DCP2: variants seen among roughly 807,000 people sequenced by gnomAD.
The protein encoded by DCP2 is m7GpppN-mRNA hydrolase.
In DCP2, 30 loss-of-function variants were observed where a neutral mutation model predicts 56.1. That is an observed-to-expected ratio of 0.53 (90% CI 0.40 to 0.73). The LOEUF (loss-of-function observed/expected upper bound fraction) is 0.73. Among genes scored for constraint, DCP2 ranks in the 30% least tolerant of loss-of-function variants. The pLI is 0.00. For synonymous variants in DCP2, 197 were observed against 163.3 expected (o/e 1.21, Z -1.57); for missense variants, 533 against 502.7 (o/e 1.06, Z -0.58).
At chr5:113,002,721 C>T (rs1442912590) in intron 7 of DCP2, among the ~76,000 whole-genome samples, 4 of 152,002 alleles carry the variant, frequency 2.6e-5, no homozygotes, top group Non-Finnish European at 5.9e-5. Flanking sequence ...GGGGCTCTCC[C>T]TATGCTGCCC....
At chr5:113,007,626 C>G (rs898302305) in intron 8 of DCP2, among the ~76,000 whole-genome samples, 3 of 151,810 alleles carry the variant, frequency 2.0e-5, no homozygotes, top group Non-Finnish European at 4.4e-5. Flanking sequence ...GGTCTCATCT[C>G]AACCTCGTGA....
At position 113,017,651 on chromosome 5, in the gene DCP2, T is replaced by C. The variant is rs1447597551; in HGVS notation, c.*4167T>C. ...TGCAGTTTCAAAAAAATATGATAGA[T>C]TATTGTTATAGAATCAAAGTGTCCT... On this transcript the variant is annotated 3_prime_UTR_variant, in exon 11 of 11. Coordinates refer to ENST00000389063, the MANE Select transcript of DCP2 (RefSeq NM_152624.6). 6.6e-6 allele frequency: 1 copy of C among 152,146 alleles called. No individual in the cohort carries two copies. Among genetic ancestry groups the C allele is most frequent in the Non-Finnish European group, 1.5e-5 (1 of 68,036 alleles). The allele number at this position is 152,146 out of a possible 1,614,324, so 9.4% of individuals were successfully genotyped here. A position where few individuals can be genotyped will look rare whatever the true frequency, so the allele number is the denominator to read the frequency against.
chr5:112,998,999 A>G (rs1216637143), intron 4 of DCP2, among the ~76,000 whole-genome samples: 1 of 152,156 alleles, frequency 6.6e-6, no homozygotes, highest in African/African-American at 2.4e-5. Context: ...CCAGGATCCA[A>G]TCCATGCTTA....
In DCP2 at chr5:113,021,740, T is replaced by C. The variant is rs1335392460; in HGVS notation, c.*8256T>C. 2.0e-5 allele frequency among the ~76,000 whole-genome samples: 3 copies of C among 152,196 alleles called. No homozygotes were observed. The highest frequency in any genetic ancestry group is 2.1e-4 in the South Asian group (1 of 4,836). ...CTTCCATAGTGAAAACTTGAGAACA[T>C]TGTAATCTTTCTCTAACAGATGTGT... On this transcript the variant is annotated 3_prime_UTR_variant, in exon 11 of 11. Transcript: ENST00000389063.
chr5:112,980,273 G>A (rs1206454092), intron 1 of DCP2, among the ~76,000 whole-genome samples: 1 of 152,098 alleles, frequency 6.6e-6, no homozygotes, highest in Non-Finnish European at 1.5e-5. Context: ...TTAAGAGTTG[G>A]GTATAGTAAG....
In DCP2 at chr5:113,016,679, G is replaced by A. The variant is rs1033649617; in HGVS notation, c.*3195G>A. 3 of 152,120 alleles carry A rather than the reference G, an allele frequency of 2.0e-5. No homozygotes were observed. Among genetic ancestry groups the A allele is most frequent in the Non-Finnish European group, 4.4e-5 (3 of 68,010 alleles). The allele number at this position is 152,120 out of a possible 1,614,324, so 9.4% of individuals were successfully genotyped here. On this transcript the variant is annotated 3_prime_UTR_variant, in exon 11 of 11. Coordinates refer to ENST00000389063, the MANE Select transcript of DCP2 (RefSeq NM_152624.6). ...GTATCCTATAGAAAAGTTAAGGTCT[G>A]AGTGCATGTGTGCATTAAAAACATT...
rs989326582 is a variant in DCP2 at position 112,978,700 on chromosome 5, AAAAG to A, written c.53+1718_53+1721del. Among the ~76,000 whole-genome samples the A allele has an allele frequency of 4.5e-3, 690 of 152,162 alleles. 7 individuals are homozygous for A. The highest frequency in any genetic ancestry group is 0.016 in the African/African-American group (648 of 41,566). On this transcript the variant is annotated intron_variant, in intron 1 of 10. Transcript: ENST00000389063. ...GTCCCAAATAAAAAAAAAAAAAGGAAAAAGAAACTGAATTTGATATGTGTATGTG... is the reference window on the plus strand; with the variant it reads ...GTCCCAAATAAAAAAAAAAAAAGGAAAAACTGAATTTGATATGTGTATGTG...
In DCP2 at chr5:113,001,347, T is replaced by C; in HGVS notation, c.586-10T>C. ...ATTAACTAAATGAATTATTTTCTTC[T>C]GTGTTTCAGAACATTGAGTGGTTCT... On this transcript the variant is annotated splice_polypyrimidine_tract_variant and intron_variant, in intron 5 of 10. Coordinates refer to ENST00000389063, the MANE Select transcript of DCP2 (RefSeq NM_152624.6). 6.2e-7 allele frequency: 1 copy of C among 1,602,204 alleles called. No individual in the cohort carries two copies. Among genetic ancestry groups the C allele is most frequent in the South Asian group, 1.1e-5 (1 of 88,332 alleles).
intron 4 of DCP2, among the ~76,000 whole-genome samples, chr5:112,994,163 C>CTTTTTTTTTTT (rs771514208): frequency 1.6e-4 from 12 of 75,132 alleles, no homozygotes; most frequent in African/African-American, 2.1e-4. Flanking sequence ...TTTTTTCTTT[C>CTTTTTTTTTTT]TTTTTTTTTT....
At chr5:113,006,546 G>A (rs1411249478) in intron 8 of DCP2, among the ~76,000 whole-genome samples, 2 of 152,068 alleles carry the variant, frequency 1.3e-5, no homozygotes, top group Admixed American at 1.3e-4. Context: ...ACTTACTTAG[G>A]TTATTGTTTT....
rs1221139578 is a variant in DCP2, at chr5:113,021,967, G to GTCTT, written c.*8484_*8487dup. 6.6e-6 allele frequency: 1 copy of GTCTT among 152,146 alleles called. No homozygotes were observed. The highest frequency in any genetic ancestry group is 2.4e-5 in the African/African-American group (1 of 41,434). The allele number at this position is 152,146 out of a possible 1,614,324, so 9.4% of individuals were successfully genotyped here. A position where few individuals can be genotyped will look rare whatever the true frequency, so the allele number is the denominator to read the frequency against. The stretch of plus-strand genomic sequence containing the variant: ...CTTTGGCCATTTTGATCTAATAATA[G>GTCTT]TCTTACTTCTAGACCCCTGCTTTGA... On this transcript the variant is annotated 3_prime_UTR_variant, in exon 11 of 11. Coordinates refer to ENST00000389063, the MANE Select transcript of DCP2 (RefSeq NM_152624.6).
intron 2 of DCP2, among the ~76,000 whole-genome samples, chr5:112,988,416 C>T (rs1224719828): frequency 7.0e-6 from 1 of 143,072 alleles, no homozygotes; most frequent in Non-Finnish European, 1.5e-5. Flanking sequence ...GGTGTGAACC[C>T]GGGAGGCAGA....
chr5:113,003,761 T>C (rs1749288034), intron 7 of DCP2, among the ~76,000 whole-genome samples, 181 bp from the exon 8 acceptor site: 1 of 152,214 alleles, frequency 6.6e-6, no homozygotes. Flanking sequence ...CAGGCACTCA[T>C]CTGGGTGATG....
At chr5:112,988,880 T>G (rs1056418577) in intron 2 of DCP2, among the ~76,000 whole-genome samples, 2 of 152,226 alleles carry the variant, frequency 1.3e-5, no homozygotes, top group African/African-American at 4.8e-5. Flanking sequence ...TTACATACTT[T>G]AGGGTTTTGG....
intron 2 of DCP2, among the ~76,000 whole-genome samples, chr5:112,986,839 A>T (rs538114762): frequency 5.3e-5 from 8 of 151,990 alleles, no homozygotes; most frequent in Non-Finnish European, 1.5e-5. Flanking sequence ...ATCTCTACCA[A>T]AAGTACAAAA....
chr5:113,001,041 T>C (rs776266362), intron 4 of DCP2, 43 bp from the exon 5 acceptor site: 18 of 1,553,418 alleles, frequency 1.2e-5, no homozygotes, highest in Admixed American at 4.1e-5. Context: ...ACTAGAGGCC[T>C]AAGAACTAAA....
intron 1 of DCP2, among the ~76,000 whole-genome samples, chr5:112,985,529 G>A (rs144808790): frequency 6.6e-6 from 1 of 152,298 alleles, no homozygotes; most frequent in Non-Finnish European, 1.5e-5. Context: ...GCCAGACATG[G>A]GAGGAAGCGG....
intron 9 of DCP2, 139 bp downstream of exon 9, chr5:113,008,181 T>C (rs115903638): frequency 0.014 from 9,141 of 635,772 alleles, 109 homozygotes; most frequent in Admixed American, 0.019. Context: ...TGTAGCTGAC[T>C]TGTGCACTAT....
chr5:113,013,131 G>C lies in DCP2; in HGVS notation c.1100-190G>C, dbSNP rs1176819198. 2.6e-5 allele frequency among the ~76,000 whole-genome samples: 4 copies of C among 152,166 alleles called. 1 individual carries two copies. The highest frequency in any genetic ancestry group is 5.9e-5 in the Non-Finnish European group (4 of 68,038). ...TTTTGAATATGTGGAAATAATAATA[G>C]ATTGAAAATGCAGTTGACCACCAGT... On this transcript the variant is annotated intron_variant, in intron 10 of 10. Coordinates refer to ENST00000389063, the MANE Select transcript of DCP2 (RefSeq NM_152624.6).
Sources: allele counts gnomAD v4.1 joint callset (sites outside exome capture counted in the v4.1 genomes callset), GRCh38; gene constraint gnomAD v4.1.1; transcripts MANE v1.5; gene names NCBI Gene and HGNC (gene_info 2026-07-23, HGNC 2026-07-21).